AKAP19: variants seen among roughly 807,000 people sequenced by gnomAD.
AKAP19 encodes the protein small A-kinase anchoring protein.
chr2:190,157,393 C>CACACACACACACACACACAT, the AKAP19 span, among the ~76,000 whole-genome samples: 919 of 149,300 alleles, frequency 6.2e-3, 10 homozygotes, highest in African/African-American at 0.017. Flanking sequence ...CACACACACA[C>CACACACACACACACACACAT]ATATCACAGG....
At chr2:189,888,663 T>G in the AKAP19 span, among the ~76,000 whole-genome samples, 1 of 152,196 alleles carries the variant, frequency 6.6e-6, no homozygotes, top group African/African-American at 2.4e-5. Context: ...TCACATCCCT[T>G]GTAAGTTGTA....
the AKAP19 span, among the ~76,000 whole-genome samples, chr2:190,170,401 C>T: frequency 1.3e-5 from 2 of 152,184 alleles, no homozygotes; most frequent in African/African-American, 4.8e-5. Context: ...TGGCATATTG[C>T]CAGGACCATC....
the AKAP19 span, among the ~76,000 whole-genome samples, chr2:190,038,901 T>TTCTCCTTCTTCTTC: frequency 2.2e-5 from 1 of 46,002 alleles, no homozygotes; most frequent in South Asian, 9.8e-4. Flanking sequence ...TCTTTCTTTC[T>TTCTCCTTCTTCTTC]TTCTTCTTCT....
At chr2:189,930,814 A>G in the AKAP19 span, 25 of 820,786 alleles carry the variant, frequency 3.0e-5, 1 homozygote, top group African/African-American at 3.4e-4. Context: ...TATAAGGCCT[A>G]TTCTTTGAGC....
At chr2:189,971,549 A>G in the AKAP19 span, among the ~76,000 whole-genome samples, 1 of 152,140 alleles carries the variant, frequency 6.6e-6, no homozygotes, top group African/African-American at 2.4e-5. Flanking sequence ...GATCCCTAAG[A>G]AATCGCCACA....
chr2:189,948,138 A>G, the AKAP19 span, among the ~76,000 whole-genome samples: 11 of 152,192 alleles, frequency 7.2e-5, no homozygotes, highest in African/African-American at 2.7e-4. Context: ...TAATTTCTAT[A>G]TGTTGGGAGA....
the AKAP19 span, among the ~76,000 whole-genome samples, chr2:190,193,770 A>T: frequency 6.6e-6 from 1 of 152,140 alleles, no homozygotes; most frequent in African/African-American, 2.4e-5. Context: ...ACCAGCATTC[A>T]TTCTGTTGTC....
At chr2:190,029,995 AATT>A in the AKAP19 span, among the ~76,000 whole-genome samples, 7 of 152,306 alleles carry the variant, frequency 4.6e-5, no homozygotes, top group East Asian at 1.3e-3. Flanking sequence ...ATGTCATAAA[AATT>A]ATTATTTCAT....
the AKAP19 span, among the ~76,000 whole-genome samples, chr2:189,975,061 G>C: frequency 6.6e-6 from 1 of 152,190 alleles, no homozygotes; most frequent in African/African-American, 2.4e-5. Flanking sequence ...AGTAGATGCA[G>C]TTTCTTCCTA....
chr2:190,011,559 G>C, the AKAP19 span, among the ~76,000 whole-genome samples: 1 of 152,138 alleles, frequency 6.6e-6, no homozygotes, highest in Non-Finnish European at 1.5e-5. Context: ...TGGTTTTGCA[G>C]TTTCAGGTTG....
the AKAP19 span, among the ~76,000 whole-genome samples, chr2:190,196,387 T>C: frequency 6.6e-6 from 1 of 152,148 alleles, no homozygotes. Flanking sequence ...AGTTACTGAT[T>C]TTCCATTTTT....
chr2:190,200,008 G>A, the AKAP19 span: 1 of 1,614,042 alleles, frequency 6.2e-7, no homozygotes, highest in Non-Finnish European at 8.5e-7. Flanking sequence ...GGAAGTGAAG[G>A]AACCTCCAGG....
chr2:189,949,827 T>TCAC, the AKAP19 span, among the ~76,000 whole-genome samples: 2 of 151,498 alleles, frequency 1.3e-5, no homozygotes, highest in African/African-American at 4.8e-5. Flanking sequence ...AGATGGGGTT[T>TCAC]CACCATGTTG....
the AKAP19 span, among the ~76,000 whole-genome samples, chr2:190,083,890 C>A: frequency 6.6e-6 from 1 of 152,104 alleles, no homozygotes; most frequent in South Asian, 2.1e-4. Flanking sequence ...AATTAAGTAC[C>A]TTGCTTGTTG....
the AKAP19 span, among the ~76,000 whole-genome samples, chr2:189,997,829 T>G: frequency 6.6e-6 from 1 of 152,178 alleles, no homozygotes; most frequent in Non-Finnish European, 1.5e-5. Context: ...AGTTTGTTCC[T>G]AGTCAAAATT....
At chr2:189,937,289 T>C in the AKAP19 span, among the ~76,000 whole-genome samples, 1 of 152,178 alleles carries the variant, frequency 6.6e-6, no homozygotes, top group Non-Finnish European at 1.5e-5. Context: ...ATGCTGGTTG[T>C]GGTAGTGGTT....
the AKAP19 span, among the ~76,000 whole-genome samples, chr2:189,962,868 T>C: frequency 6.6e-6 from 1 of 151,980 alleles, no homozygotes; most frequent in African/African-American, 2.4e-5. Flanking sequence ...ATAATACATA[T>C]ATATTACATT....
chr2:190,067,910 A>G, the AKAP19 span, among the ~76,000 whole-genome samples: 1 of 152,132 alleles, frequency 6.6e-6, no homozygotes, highest in East Asian at 1.9e-4. Flanking sequence ...ATTGAAAAAA[A>G]GATACTAGGG....
chr2:189,947,956 C>G, the AKAP19 span, among the ~76,000 whole-genome samples: 1 of 152,110 alleles, frequency 6.6e-6, no homozygotes. Context: ...TCTTGACAAA[C>G]AGCTTTACCA....
Sources: allele counts gnomAD v4.1 joint callset (sites outside exome capture counted in the v4.1 genomes callset), GRCh38; gene constraint gnomAD v4.1.1; transcripts MANE v1.5; gene names NCBI Gene and HGNC (gene_info 2026-07-23, HGNC 2026-07-21).